KLHL13: variants seen among roughly 807,000 people sequenced by gnomAD.
KLHL13 encodes kelch like family member 13.
Under a neutral mutation model 37.1 loss-of-function variants are expected in KLHL13, and 10 were observed. The ratio of observed to expected loss-of-function variants is 0.27; its 90% CI spans 0.17 to 0.46. KLHL13 has a LOEUF of 0.46. KLHL13 is among the 20% of genes least tolerant of loss of function. The probability of loss-of-function intolerance (pLI) is 1.00; values close to 1 mark genes in which losing one functional copy is unlikely to be tolerated. For missense variants in KLHL13, 360 were observed against 509.3 expected, an observed-to-expected ratio of 0.71 and a Z score of 2.82; for synonymous variants, 163 against 181.2, an observed-to-expected ratio of 0.90 and a Z score of 0.81.
intron 1 of KLHL13, among the ~76,000 whole-genome samples, chrX:118,010,550 T>C (rs1392613365): frequency 1.3e-5 from 1 of 75,582 alleles, no homozygotes; most frequent in African/African-American, 5.0e-5. Context: ...TTAGATCACA[T>C]GGACACAGGA....
exon 1 of KLHL13, chrX:117,973,081 T>C (rs1179356199): frequency 3.9e-6 from 4 of 1,013,350 alleles, no homozygotes; most frequent in Non-Finnish European, 3.8e-6. Flanking sequence ...CAGAAAAGCG[T>C]TGACTGCAGT....
intron 1 of KLHL13, among the ~76,000 whole-genome samples, chrX:118,070,631 A>T (rs1378686085): frequency 1.8e-5 from 2 of 110,666 alleles, no homozygotes; most frequent in Admixed American, 9.6e-5. Flanking sequence ...ATTATGTATA[A>T]CCATAATAGA....
intron 1 of KLHL13, among the ~76,000 whole-genome samples, chrX:118,053,849 G>GAGGAGAGAGAGAGAGAGAGAGA (rs1555995746): frequency 9.1e-5 from 1 of 11,004 alleles, no homozygotes; most frequent in African/African-American, 3.5e-4. Context: ...GAGAGAGAGA[G>GAGGAGAGAGAGAGAGAGAGAGA]GAGAGAGAGA....
intron 5 of KLHL13, among the ~76,000 whole-genome samples, chrX:117,908,590 T>C (rs1930743225): frequency 8.9e-6 from 1 of 111,906 alleles, no homozygotes; most frequent in East Asian, 2.8e-4. Flanking sequence ...TCTGAAATAA[T>C]AAAATTTTAC....
chrX:118,117,284 G>C (rs1477328331), upstream of KLHL13: 1 of 112,249 alleles, frequency 8.9e-6, no homozygotes, highest in African/African-American at 3.2e-5. Flanking sequence ...CACCTCAGTG[G>C]GGCCCACGTC....
intron 1 of KLHL13, among the ~76,000 whole-genome samples, chrX:118,023,101 G>C (rs1299521643): frequency 9.0e-6 from 1 of 110,573 alleles, no homozygotes; most frequent in African/African-American, 3.3e-5. Context: ...TTTGCAAGTG[G>C]ATATACAGTT....
intron 1 of KLHL13, among the ~76,000 whole-genome samples, chrX:118,103,430 G>T (rs2055311427): frequency 9.0e-6 from 1 of 111,030 alleles, no homozygotes; most frequent in Non-Finnish European, 1.9e-5. Context: ...AACTACTTTG[G>T]CCCCTGAGTA....
intron 1 of KLHL13, among the ~76,000 whole-genome samples, chrX:117,981,573 A>C (rs756418495): frequency 9.2e-6 from 1 of 108,926 alleles, no homozygotes; most frequent in Non-Finnish European, 1.9e-5. Flanking sequence ...TAGCTAGCAT[A>C]CATTTATTCA....
chrX:117,983,897 C>G (rs893349806), intron 1 of KLHL13, among the ~76,000 whole-genome samples: 1 of 111,209 alleles, frequency 9.0e-6, no homozygotes, highest in African/African-American at 3.3e-5. Context: ...TATATACTCG[C>G]CCCTTGGAAT....
chrX:118,014,156 C>T (rs5956849), intron 1 of KLHL13, among the ~76,000 whole-genome samples: 6,108 of 111,735 alleles, frequency 0.055, 405 homozygotes, highest in African/African-American at 0.19. Context: ...TTGGGCAGAA[C>T]AGAGCCATAT....
At chrX:117,913,893 C>A (rs1325909967) in intron 4 of KLHL13, among the ~76,000 whole-genome samples, 1 of 109,131 alleles carries the variant, frequency 9.2e-6, no homozygotes, top group Non-Finnish European at 1.9e-5. Flanking sequence ...ACTCTTCAAG[C>A]ACCTGTGGGA....
intron 1 of KLHL13, among the ~76,000 whole-genome samples, chrX:118,086,062 C>T (rs1483436831): frequency 9.1e-6 from 1 of 110,439 alleles, no homozygotes; most frequent in African/African-American, 3.3e-5. Flanking sequence ...CTCAGCCTCC[C>T]AAGTAGCTGG....
At chrX:118,090,345 G>C (rs981801309) in intron 1 of KLHL13, among the ~76,000 whole-genome samples, 1 of 111,005 alleles carries the variant, frequency 9.0e-6, no homozygotes, top group Admixed American at 9.6e-5. Flanking sequence ...GCAACCTACA[G>C]AATGGGAGAA....
intron 1 of KLHL13, among the ~76,000 whole-genome samples, chrX:117,965,393 G>T (rs1423806235): frequency 8.9e-6 from 1 of 111,905 alleles, no homozygotes; most frequent in Non-Finnish European, 1.9e-5. Context: ...CTTCTTTTGA[G>T]AAGTGTCTGT....
chrX:117,955,375 T>C (rs755861899), intron 1 of KLHL13, among the ~76,000 whole-genome samples: 1 of 111,879 alleles, frequency 8.9e-6, no homozygotes, highest in South Asian at 3.8e-4. Flanking sequence ...CACAAAGTAG[T>C]AACCATTGCA....
At chrX:118,017,878 G>T (rs1002293571) in intron 1 of KLHL13, among the ~76,000 whole-genome samples, 1 of 111,591 alleles carries the variant, frequency 9.0e-6, no homozygotes, top group African/African-American at 3.3e-5. Context: ...ATCTATGAAA[G>T]ACTACATTTG....
chrX:117,954,657 G>T lies in KLHL13; in HGVS notation c.99-9082C>A, dbSNP rs771522179. ...GGTGAAAGAATGCACATGTGATAATGGTGGTAGGGAGATGGCAATATGTAG... is the reference window on the plus strand; with the variant it reads ...GGTGAAAGAATGCACATGTGATAATTGTGGTAGGGAGATGGCAATATGTAG... On this transcript the variant is annotated intron_variant, in intron 1 of 6. Coordinates refer to ENST00000262820, the Ensembl canonical transcript of KLHL13. Among the ~76,000 whole-genome samples the T allele has an allele frequency of 4.4e-5, 5 of 112,440 alleles. No homozygotes were observed. In the East Asian group the frequency reaches 1.4e-3, roughly 31 times the overall value.
At chrX:118,020,744 A>C (rs1376771264) in intron 1 of KLHL13, among the ~76,000 whole-genome samples, 1 of 110,436 alleles carries the variant, frequency 9.1e-6, no homozygotes, top group African/African-American at 3.3e-5. Context: ...AACTAACCCA[A>C]ATGTCTAACA....
intron 1 of KLHL13, among the ~76,000 whole-genome samples, chrX:117,981,209 A>G (rs944034820): frequency 3.6e-5 from 4 of 112,264 alleles, no homozygotes; most frequent in Non-Finnish European, 7.5e-5. Flanking sequence ...TCATTAGCAC[A>G]TGCCACATCA....
Sources: gnomAD v4.1 joint callset for allele counts (sites outside exome capture counted in the v4.1 genomes callset) on GRCh38, gnomAD v4.1.1 for gene constraint, MANE v1.5 for transcripts, NCBI Gene and HGNC (gene_info 2026-07-23, HGNC 2026-07-21) for gene names.